MNAT1: variants seen among roughly 807,000 people sequenced by gnomAD.
MNAT1 encodes MNAT1 component of CDK activating kinase.
Under a neutral mutation model 42.0 loss-of-function variants are expected in MNAT1, and 43 were observed. The ratio of observed to expected loss-of-function variants is 1.02; its 90% CI spans 0.80 to 1.32. MNAT1 has a LOEUF of 1.32. Ranked by LOEUF, MNAT1 falls within the 40% of genes most tolerant of loss-of-function variation. The probability of loss-of-function intolerance (pLI) is 0.00; values close to 1 mark genes in which losing one functional copy is unlikely to be tolerated. For missense variants in MNAT1, 306 were observed against 350.4 expected (o/e 0.87, Z 1.01); for synonymous variants, 118 against 120.0 (o/e 0.98, Z 0.11).
At chr14:60,811,652 T>C (rs2032549501) in intron 4 of MNAT1, among the ~76,000 whole-genome samples, 7 of 152,130 alleles carry the variant, frequency 4.6e-5, no homozygotes. Flanking sequence ...GTCCTCCTAT[T>C]GTCAGTCTTG....
chr14:60,919,700 A>G (rs2035611648), intron 7 of MNAT1: 1 of 154,752 alleles, frequency 6.5e-6, no homozygotes, highest in Non-Finnish European at 1.5e-5. Flanking sequence ...CCCATCACCC[A>G]TGTGTAAGTT....
intron 7 of MNAT1, among the ~76,000 whole-genome samples, chr14:60,890,816 C>A (rs1322574383): frequency 1.3e-5 from 2 of 152,168 alleles, no homozygotes; most frequent in African/African-American, 4.8e-5. Context: ...TGGTGCCCAC[C>A]CAGATTGAGA....
chr14:60,803,019 G>A (rs1264827656), intron 3 of MNAT1, among the ~76,000 whole-genome samples: 7 of 146,004 alleles, frequency 4.8e-5, no homozygotes, highest in South Asian at 4.3e-4. Context: ...TGCATCCTCC[G>A]CCTCCCGGGT....
At chr14:60,816,041 T>TA (rs1414205431) in intron 5 of MNAT1, among the ~76,000 whole-genome samples, 1 of 152,120 alleles carries the variant, frequency 6.6e-6, no homozygotes, top group African/African-American at 2.4e-5. Context: ...AGATTTTGTT[T>TA]AAAAAACAAT....
intron 5 of MNAT1, among the ~76,000 whole-genome samples, chr14:60,815,016 C>T (rs1178807660): frequency 6.6e-6 from 1 of 151,736 alleles, no homozygotes; most frequent in Non-Finnish European, 1.5e-5. Flanking sequence ...AAGATTCTTC[C>T]CCTTATCATT....
intron 6 of MNAT1, among the ~76,000 whole-genome samples, chr14:60,857,455 G>A (rs186511315): frequency 6.6e-6 from 1 of 152,208 alleles, no homozygotes; most frequent in Non-Finnish European, 1.5e-5. Context: ...TCCTAGGGAT[G>A]AGCAAAGAAA....
chr14:60,964,197 T>G (rs2036644173), intron 7 of MNAT1, among the ~76,000 whole-genome samples: 1 of 152,320 alleles, frequency 6.6e-6, no homozygotes, highest in Non-Finnish European at 1.5e-5. Flanking sequence ...AAAATGACAG[T>G]GTAGGAAACC....
At chr14:60,926,378 C>G (rs1215641363) in intron 7 of MNAT1, among the ~76,000 whole-genome samples, 1 of 152,210 alleles carries the variant, frequency 6.6e-6, no homozygotes, top group East Asian at 1.9e-4. Context: ...GTTAAGGGCT[C>G]AGTCCCATAA....
intron 7 of MNAT1, among the ~76,000 whole-genome samples, chr14:60,909,226 C>T (rs371351312): frequency 1.3e-5 from 2 of 152,028 alleles, no homozygotes; most frequent in African/African-American, 4.8e-5. Flanking sequence ...GATATTAGCC[C>T]TTTGTCAGAT....
chr14:60,811,031 G>T (rs1254065110), intron 4 of MNAT1, among the ~76,000 whole-genome samples: 1 of 151,946 alleles, frequency 6.6e-6, no homozygotes, highest in Non-Finnish European at 1.5e-5. Context: ...ATATTTAGTT[G>T]TTTATAATTG....
At chr14:60,956,376 A>G (rs1223017313) in intron 7 of MNAT1, among the ~76,000 whole-genome samples, 1 of 152,178 alleles carries the variant, frequency 6.6e-6, no homozygotes, top group African/African-American at 2.4e-5. Context: ...ACTCAATATG[A>G]TTTCAGTCTT....
At chr14:60,952,376 T>A (rs938037526) in intron 7 of MNAT1, among the ~76,000 whole-genome samples, 2 of 152,184 alleles carry the variant, frequency 1.3e-5, no homozygotes, top group African/African-American at 4.8e-5. Flanking sequence ...ATTAATTTGG[T>A]AACCATGAAT....
At chr14:60,956,961 T>G (rs1162929221) in intron 7 of MNAT1, among the ~76,000 whole-genome samples, 1 of 152,234 alleles carries the variant, frequency 6.6e-6, no homozygotes, top group East Asian at 1.9e-4. Context: ...GTCTTTTGAT[T>G]GGCAAATTTA....
intron 6 of MNAT1, among the ~76,000 whole-genome samples, chr14:60,831,310 T>A (rs1418263666): frequency 1.3e-5 from 2 of 152,094 alleles, no homozygotes; most frequent in Non-Finnish European, 2.9e-5. Context: ...GTATTTCTTC[T>A]AATGCTATCC....
chr14:60,876,414 T>C (rs1300826119), intron 6 of MNAT1, among the ~76,000 whole-genome samples: 1 of 152,078 alleles, frequency 6.6e-6, no homozygotes, highest in African/African-American at 2.4e-5. Flanking sequence ...TTTAAAAAAA[T>C]TGTGGTAAAA....
chr14:60,789,946 CTTTCTTTTTT>C (rs1445268450), intron 1 of MNAT1, among the ~76,000 whole-genome samples: 1 of 151,804 alleles, frequency 6.6e-6, no homozygotes, highest in Admixed American at 6.6e-5. Flanking sequence ...GTTACTTTTT[CTTTCTTTTTT>C]TTTCTATTTT....
chr14:60,929,297 C>T (rs1311718569), intron 7 of MNAT1, among the ~76,000 whole-genome samples: 1 of 148,032 alleles, frequency 6.8e-6, no homozygotes, highest in Admixed American at 6.8e-5. Context: ...TGATGAAATT[C>T]AGCTTACCAA....
chr14:60,883,700 C>T (rs2034599264), intron 7 of MNAT1, among the ~76,000 whole-genome samples: 1 of 152,002 alleles, frequency 6.6e-6, no homozygotes, highest in African/African-American at 2.4e-5. Flanking sequence ...TTGATTCTTC[C>T]AATCCATGAA....
At chr14:60,767,184 T>C (rs1009109809) in intron 1 of MNAT1, among the ~76,000 whole-genome samples, 2 of 152,212 alleles carry the variant, frequency 1.3e-5, no homozygotes, top group African/African-American at 4.8e-5. Flanking sequence ...AAACCTAAAC[T>C]ACATTCTGGA....
Sources: gnomAD v4.1 joint callset for allele counts (sites outside exome capture counted in the v4.1 genomes callset) on GRCh38, gnomAD v4.1.1 for gene constraint, MANE v1.5 for transcripts, NCBI Gene and HGNC (gene_info 2026-07-23, HGNC 2026-07-21) for gene names.